The following FAAH2 variants were observed in gnomAD, a reference collection of about 807,000 sequenced individuals.
The protein encoded by FAAH2 is fatty acid amide hydrolase 2, also known as fatty-acid amide hydrolase 2.
Under a neutral mutation model 36.9 loss-of-function variants are expected in FAAH2, and 60 were observed. The observed-to-expected ratio is 1.63, with a 90% CI of 1.32 to 2.02. FAAH2 has a LOEUF of 2.02. Among genes scored for constraint, FAAH2 ranks in the 30% most tolerant of loss-of-function variants. The pLI, the probability that FAAH2 is intolerant of heterozygous loss-of-function variation, is 0.00. For missense variants in FAAH2, 689 were observed against 397.5 expected, an observed-to-expected ratio of 1.73 and a Z score of -6.23; for synonymous variants, 214 against 143.8, an observed-to-expected ratio of 1.49 and a Z score of -3.49.
chrX:57,188,352 G>A, the FAAH2 span, among the ~76,000 whole-genome samples: 1 of 111,383 alleles, frequency 9.0e-6, no homozygotes, highest in Non-Finnish European at 1.9e-5. Context: ...TTGCATATAG[G>A]TGTTTATACT....
the FAAH2 span, among the ~76,000 whole-genome samples, chrX:57,150,498 C>A: frequency 8.9e-6 from 1 of 111,830 alleles, no homozygotes; most frequent in Non-Finnish European, 1.9e-5. Context: ...TGAATTGATC[C>A]CTTTTCTATT....
intron 8 of FAAH2, among the ~76,000 whole-genome samples, chrX:57,444,120 C>A (rs773308670): frequency 8.6e-4 from 96 of 112,080 alleles, no homozygotes; most frequent in African/African-American, 3.0e-3. Flanking sequence ...CTGGGAGAAC[C>A]AGTACTCTCT....
intron 10 of FAAH2, among the ~76,000 whole-genome samples, chrX:57,465,700 TGAAA>T (rs1451402135): frequency 9.0e-6 from 1 of 111,036 alleles, no homozygotes; most frequent in Non-Finnish European, 1.9e-5. Flanking sequence ...TTTGTCTTGG[TGAAA>T]GAAAGTGACA....
At chrX:57,380,812 A>G in intron 6 of FAAH2, 100 bp from the exon 7 acceptor site, 1 of 507,012 alleles carries the variant, frequency 2.0e-6, no homozygotes, top group Non-Finnish European at 3.2e-6. Context: ...TGCTCAGGGA[A>G]AAAAATACTT....
intron 3 of FAAH2, among the ~76,000 whole-genome samples, chrX:57,322,636 A>G (rs1256988019): frequency 1.8e-5 from 2 of 110,832 alleles, no homozygotes. Flanking sequence ...TGGAATGTCA[A>G]TGAGTTCTAG....
intron 7 of FAAH2, among the ~76,000 whole-genome samples, chrX:57,425,427 C>T (rs774474268): frequency 1.8e-5 from 2 of 111,188 alleles, no homozygotes; most frequent in South Asian, 7.6e-4. Flanking sequence ...AACCAGACTA[C>T]AATTGAAGTG....
rs1233978363 is a variant in FAAH2, at chrX:57,336,966, T to C, written c.623-4305T>C. Among the ~76,000 whole-genome samples, 6 of 1,836 alleles carry C rather than the reference T, an allele frequency of 3.3e-3. No individual in the cohort carries two copies. The Non-Finnish European group carries it at 0.053, about 16-fold the overall frequency. 1.6% of individuals were successfully genotyped at this position (1,836 alleles called of 115,157 possible). A position where few individuals can be genotyped will look rare whatever the true frequency, so the allele number is the denominator to read the frequency against. On this transcript the variant is annotated intron_variant, in intron 4 of 10. Coordinates refer to ENST00000374900, the MANE Select transcript of FAAH2 (RefSeq NM_174912.4). ...ATCAACGAATCCAGGAGCTATTCTT[T>C]TGAAAAAAAAAATAAATAAATAAAA...
rs2056728509 is a variant in FAAH2, at chrX:57,448,653, C to G, written c.1358C>G (p.Ser453Ter). Residue 453 changes from serine to a stop codon, truncating the protein, a stop_gained, in exon 10 of 11, where the codon TCA becomes TGA. Coordinates refer to ENST00000374900, the MANE Select transcript of FAAH2 (RefSeq NM_174912.4). LOFTEE classifies it high-confidence loss of function. ...GATGATGGTGTGTTCTTATATCCCT[C>G]ACATCCCACAGTGGCACCTAAGCAT... ...LGDDGVFLYP[S>*]HPTVAPKHHV... The G allele has an allele frequency of 8.3e-7, 1 of 1,209,640 alleles. No individual in the cohort carries two copies. Among genetic ancestry groups the G allele is most frequent in the Non-Finnish European group, 1.1e-6 (1 of 895,067 alleles).
At chrX:57,260,444 T>C in the FAAH2 span, among the ~76,000 whole-genome samples, 1 of 112,093 alleles carries the variant, frequency 8.9e-6, no homozygotes, top group Admixed American at 9.5e-5. Context: ...AGCTAAAAAC[T>C]ATCAAAAGTG....
chrX:57,369,479 C>T (rs999113518), intron 5 of FAAH2, among the ~76,000 whole-genome samples: 5 of 111,455 alleles, frequency 4.5e-5, no homozygotes, highest in African/African-American at 1.6e-4. Context: ...AGAAAATTGT[C>T]AAGTCACATA....
chrX:57,461,072 A>G (rs2056949336), intron 10 of FAAH2, among the ~76,000 whole-genome samples: 1 of 111,449 alleles, frequency 9.0e-6, no homozygotes, highest in Non-Finnish European at 1.9e-5. Flanking sequence ...ACATAATGGT[A>G]AAATGATCAA....
chrX:57,185,488 CTGTGTGTG>C, the FAAH2 span, among the ~76,000 whole-genome samples: 2,546 of 93,971 alleles, frequency 0.027, 79 homozygotes, highest in African/African-American at 0.1. Context: ...CTCTCTGTCT[CTGTGTGTG>C]TGTGTGTGTG....
chrX:57,447,851 G>C (rs1282887750), intron 9 of FAAH2, among the ~76,000 whole-genome samples: 1 of 112,191 alleles, frequency 8.9e-6, no homozygotes, highest in South Asian at 3.7e-4. Flanking sequence ...ATGCCCTGGA[G>C]ACATTTTCTC....
chrX:57,259,691 C>A, the FAAH2 span, among the ~76,000 whole-genome samples: 2 of 111,390 alleles, frequency 1.8e-5, no homozygotes, highest in Non-Finnish European at 3.8e-5. Flanking sequence ...TATCTCATTC[C>A]CCCCATATAG....
intron 8 of FAAH2, among the ~76,000 whole-genome samples, chrX:57,444,122 G>C (rs984058012): frequency 1.8e-4 from 20 of 112,103 alleles, no homozygotes; most frequent in Non-Finnish European, 3.6e-4. Flanking sequence ...GGGAGAACCA[G>C]TACTCTCTTC....
intron 7 of FAAH2, among the ~76,000 whole-genome samples, chrX:57,397,196 G>A (rs1341766439): frequency 9.0e-6 from 1 of 111,229 alleles, no homozygotes; most frequent in Non-Finnish European, 1.9e-5. Flanking sequence ...CAGTTAGTTG[G>A]GTCTTGCTTT....
the FAAH2 span, among the ~76,000 whole-genome samples, chrX:57,251,588 A>G: frequency 8.9e-6 from 1 of 112,152 alleles, no homozygotes; most frequent in African/African-American, 3.2e-5. Context: ...GATCTTATAT[A>G]CAGAAATCCC....
intron 2 of FAAH2, among the ~76,000 whole-genome samples, chrX:57,304,356 C>A (rs1275206732): frequency 8.9e-6 from 1 of 112,168 alleles, no homozygotes; most frequent in East Asian, 2.8e-4. Flanking sequence ...ACCAGTAAGT[C>A]TTTTGGTATG....
At chrX:57,231,910 T>C in the FAAH2 span, among the ~76,000 whole-genome samples, 2 of 111,483 alleles carry the variant, frequency 1.8e-5, no homozygotes, top group African/African-American at 6.5e-5. Flanking sequence ...AAGCATGCTT[T>C]TGGTGGGCTA....
Sources: allele counts gnomAD v4.1 joint callset (sites outside exome capture counted in the v4.1 genomes callset), GRCh38; gene constraint gnomAD v4.1.1; transcripts MANE v1.5; gene names NCBI Gene and HGNC (gene_info 2026-07-23, HGNC 2026-07-21).